The following BTBD7 variants were observed in gnomAD, a reference collection of about 807,000 sequenced individuals.
BTBD7 encodes the protein BTB domain containing 7.
In BTBD7, 38 loss-of-function variants were observed where a neutral mutation model predicts 99.9. That is an observed-to-expected ratio of 0.38 (90% CI 0.29 to 0.50). BTBD7 has a LOEUF of 0.50. Among genes scored for constraint, BTBD7 ranks in the 20% least tolerant of loss-of-function variants. BTBD7 has a pLI of 0.93. For missense variants in BTBD7, 1,170 were observed against 1,394.6 expected (o/e 0.84, Z 2.57); for synonymous variants, 520 against 511.4 (o/e 1.02, Z -0.23).
chr14:93,288,589 T>G (rs781567045), intron 3 of BTBD7: 1 of 907,594 alleles, frequency 1.1e-6, no homozygotes, highest in South Asian at 1.3e-5. Flanking sequence ...TGTCTCAATT[T>G]GGAAGCTTTC....
intron 1 of BTBD7, among the ~76,000 whole-genome samples, chr14:93,306,791 T>C (rs1418127482): frequency 6.6e-6 from 1 of 152,212 alleles, no homozygotes; most frequent in Non-Finnish European, 1.5e-5. Flanking sequence ...GTCTGAGTGT[T>C]CTCCTAATAA....
chr14:93,272,690 C>A (rs898978992), intron 3 of BTBD7, among the ~76,000 whole-genome samples: 3 of 152,188 alleles, frequency 2.0e-5, no homozygotes, highest in Admixed American at 1.3e-4. Flanking sequence ...TTTTAAAAGG[C>A]AACCAGGAAT....
rs189637283 is a variant in BTBD7 at position 93,246,721 on chromosome 14, A to C, written c.2122-435T>G. Among the ~76,000 whole-genome samples, 423 of 152,372 alleles carry C rather than the reference A, an allele frequency of 2.8e-3. 1 individual carries two copies. The highest frequency in any genetic ancestry group is 5.3e-3 in the Non-Finnish European group (359 of 68,028). On this transcript the variant is annotated intron_variant, in intron 9 of 10. Transcript: ENST00000334746. ...AAATAAAAACTACAAAATACTATTC[A>C]TTACCCATTATACATGACTAAGTCT...
intron 3 of BTBD7, chr14:93,287,931 T>TGAAAAATGCC (rs1285542698): frequency 2.6e-5 from 4 of 152,356 alleles, no homozygotes; most frequent in African/African-American, 9.6e-5. Flanking sequence ...GAGGTATGAC[T>TGAAAAATGCC]GAAAAATGCC....
chr14:93,281,826 TTTC>T (rs772934506), intron 3 of BTBD7, among the ~76,000 whole-genome samples: 1 of 152,364 alleles, frequency 6.6e-6, no homozygotes, highest in East Asian at 1.9e-4. Flanking sequence ...TTCTGTATCA[TTTC>T]TTTTCTCCCC....
chr14:93,289,717 T>C (rs1019555169), intron 3 of BTBD7, among the ~76,000 whole-genome samples: 12 of 152,136 alleles, frequency 7.9e-5, no homozygotes, highest in Admixed American at 7.2e-4. Context: ...GAAAATCAAG[T>C]GAAGTTAAAT....
At chr14:93,285,112 C>A (rs942756570) in intron 3 of BTBD7, among the ~76,000 whole-genome samples, 2 of 151,960 alleles carry the variant, frequency 1.3e-5, no homozygotes, top group African/African-American at 4.8e-5. Flanking sequence ...GAAGAGGAGA[C>A]AATTATAGAC....
intron 5 of BTBD7, among the ~76,000 whole-genome samples, chr14:93,257,825 T>C (rs1354810055): frequency 1.3e-5 from 2 of 152,228 alleles, no homozygotes; most frequent in Admixed American, 6.5e-5. Context: ...CACTTGGTGT[T>C]TGAAGCAGCA....
chr14:93,317,224 C>T (rs576465313), intron 1 of BTBD7, among the ~76,000 whole-genome samples: 7 of 152,150 alleles, frequency 4.6e-5, no homozygotes, highest in South Asian at 4.1e-4. Flanking sequence ...AGGCTGGTCT[C>T]GAACTCCTGA....
intron 1 of BTBD7, among the ~76,000 whole-genome samples, chr14:93,313,942 C>T (rs569716703): frequency 6.6e-5 from 10 of 151,758 alleles, no homozygotes; most frequent in African/African-American, 2.4e-4. Flanking sequence ...AGACGGGTCT[C>T]ACTATGTTGC....
intron 8 of BTBD7, among the ~76,000 whole-genome samples, chr14:93,250,310 T>A (rs555070511): frequency 6.6e-6 from 1 of 152,338 alleles, no homozygotes; most frequent in South Asian, 2.1e-4. Context: ...TAAGATTAAA[T>A]TATGCTGATT....
chr14:93,257,152 A>G, intron 6 of BTBD7, 43 bp downstream of exon 6: 4 of 1,582,480 alleles, frequency 2.5e-6, no homozygotes, highest in Non-Finnish European at 3.5e-6. Flanking sequence ...TACACCTGGC[A>G]TTTTTCTTTT....
At chr14:93,254,475 C>CTA (rs1230119331) in intron 6 of BTBD7, among the ~76,000 whole-genome samples, 4 of 152,136 alleles carry the variant, frequency 2.6e-5, no homozygotes, top group Non-Finnish European at 5.9e-5. Flanking sequence ...TGACATGGGC[C>CTA]TATATCTACA....
chr14:93,327,704 C>CT (rs1260427683), intron 1 of BTBD7, among the ~76,000 whole-genome samples: 1 of 152,126 alleles, frequency 6.6e-6, no homozygotes, highest in Non-Finnish European at 1.5e-5. Flanking sequence ...AACGTTTCCT[C>CT]TAAGATCAGG....
intron 7 of BTBD7, among the ~76,000 whole-genome samples, chr14:93,252,689 A>C (rs1205769049): frequency 6.6e-6 from 1 of 152,048 alleles, no homozygotes; most frequent in Non-Finnish European, 1.5e-5. Flanking sequence ...AATGAGAAAC[A>C]TTTTGAGGCA....
At chr14:93,275,857 C>G (rs1595303632) in intron 3 of BTBD7, among the ~76,000 whole-genome samples, 1 of 152,186 alleles carries the variant, frequency 6.6e-6, no homozygotes, top group Non-Finnish European at 1.5e-5. Flanking sequence ...TTTACTGAAT[C>G]ATCATTATGT....
intron 1 of BTBD7, among the ~76,000 whole-genome samples, chr14:93,314,744 G>A (rs1206747151): frequency 3.3e-5 from 5 of 152,118 alleles, no homozygotes; most frequent in Non-Finnish European, 5.9e-5. Context: ...CAGAAGAGTT[G>A]CAATTTACAC....
intron 8 of BTBD7, 92 bp from the exon 9 acceptor site, chr14:93,248,746 C>A (rs1415139044): frequency 4.4e-6 from 5 of 1,146,990 alleles, no homozygotes; most frequent in Admixed American, 6.0e-5. Context: ...GTATTTCATA[C>A]CAGAATCTTA....
intron 4 of BTBD7, among the ~76,000 whole-genome samples, chr14:93,261,950 C>T (rs1025052265): frequency 2.4e-4 from 37 of 152,146 alleles, no homozygotes; most frequent in Non-Finnish European, 4.4e-4. Flanking sequence ...CTGCTCCCTT[C>T]CTATTTTATT....
Sources: allele counts gnomAD v4.1 joint callset (sites outside exome capture counted in the v4.1 genomes callset), GRCh38; gene constraint gnomAD v4.1.1; transcripts MANE v1.5; gene names NCBI Gene and HGNC (gene_info 2026-07-23, HGNC 2026-07-21).